GNAL: variants seen among roughly 807,000 people sequenced by gnomAD.
GNAL encodes the protein guanine nucleotide-binding protein G(olf) subunit alpha.
Under a neutral mutation model 55.1 loss-of-function variants are expected in GNAL, and 18 were observed. The observed-to-expected ratio is 0.33, with a 90% CI of 0.23 to 0.48. GNAL has a LOEUF of 0.48. GNAL is among the 20% of genes least tolerant of loss of function. The pLI is 0.99. For missense variants in GNAL, 412 were observed against 614.1 expected, an observed-to-expected ratio of 0.67 and a Z score of 3.48; for synonymous variants, 253 against 237.0, an observed-to-expected ratio of 1.07 and a Z score of -0.62.
chr18:11,768,337 A>G (rs1474536938), intron 4 of GNAL, among the ~76,000 whole-genome samples: 1 of 152,182 alleles, frequency 6.6e-6, no homozygotes, highest in East Asian at 1.9e-4. Context: ...ACCGTGGCTC[A>G]CACCTGTAAT....
intron 7 of GNAL, among the ~76,000 whole-genome samples, chr18:11,864,937 G>A (rs923347102): frequency 3.9e-5 from 6 of 152,148 alleles, no homozygotes; most frequent in African/African-American, 1.4e-4. Context: ...CAGTTTATGT[G>A]TGTCTCCAGC....
intron 4 of GNAL, among the ~76,000 whole-genome samples, chr18:11,808,025 CTTTT>C (rs111276081): frequency 0.066 from 9,537 of 144,296 alleles, 446 homozygotes; most frequent in African/African-American, 0.13. Context: ...GCCCAGCCTT[CTTTT>C]TTTTTTTTTT....
chr18:11,770,521 G>A (rs983577698), intron 4 of GNAL, among the ~76,000 whole-genome samples: 1 of 152,122 alleles, frequency 6.6e-6, no homozygotes, highest in Admixed American at 6.5e-5. Flanking sequence ...TCAGTCAAAC[G>A]AGTAATTTTT....
intron 5 of GNAL, chr18:11,857,626 C>T: frequency 1.0e-6 from 1 of 985,446 alleles, no homozygotes; most frequent in Non-Finnish European, 1.2e-6. Context: ...TGACGAGTCA[C>T]CATGAATCAC....
At position 11,881,891 on chromosome 18, in the gene GNAL, A is replaced by G. The variant is rs539361284; in HGVS notation, c.*756A>G. On this transcript the variant is annotated 3_prime_UTR_variant, in exon 12 of 12. Coordinates refer to ENST00000334049, the MANE Select transcript of GNAL (RefSeq NM_182978.4). This position sits in a 1 kb window ranked among gnomAD's most constrained non-coding sequence, Gnocchi z 4.8. Reference sequence around the variant, plus strand: ...TGTAATATTCTTTTGTATAACTACTAAAGAAAAATCCTTGTAGATCTTTGT... The same window carrying G: ...TGTAATATTCTTTTGTATAACTACTGAAGAAAAATCCTTGTAGATCTTTGT... 12 of 152,656 alleles carry G rather than the reference A, an allele frequency of 7.9e-5. No homozygotes were observed. The highest frequency in any genetic ancestry group is 1.8e-4 in the Non-Finnish European group (12 of 68,056). 9.5% of individuals were successfully genotyped at this position (152,656 alleles called of 1,614,324 possible).
intron 5 of GNAL, among the ~76,000 whole-genome samples, chr18:11,832,262 A>G (rs1304268848): frequency 6.6e-6 from 1 of 152,226 alleles, no homozygotes; most frequent in East Asian, 1.9e-4. Context: ...AGTACGACAC[A>G]TGATAAGCTC....
intron 5 of GNAL, among the ~76,000 whole-genome samples, chr18:11,839,210 C>G (rs1186443306): frequency 6.6e-6 from 1 of 152,008 alleles, no homozygotes; most frequent in East Asian, 1.9e-4. Context: ...TCTTTTTCTG[C>G]TCTCTCTACC....
Position 11,751,870 on chromosome 18 carries a change from C to T in GNAL, c.377-983C>T, listed in dbSNP as rs901144510. ...GATCCCAGACCAGGGAGGGGGCGCACGTCCGACGGCTGAGGAATAGCAGGG... is the reference window on the plus strand; with the variant it reads ...GATCCCAGACCAGGGAGGGGGCGCATGTCCGACGGCTGAGGAATAGCAGGG... On this transcript the variant is annotated intron_variant, in intron 1 of 11. Transcript: ENST00000334049. The surrounding 1 kb of genome is among the most constrained non-coding windows in gnomAD (Gnocchi z 4.5). 2.0e-5 allele frequency among the ~76,000 whole-genome samples: 3 copies of T among 152,174 alleles called. No homozygotes were observed. The highest frequency in any genetic ancestry group is 4.4e-5 in the Non-Finnish European group (3 of 68,016).
chr18:11,868,233 G>T lies in GNAL; in HGVS notation c.911-310G>T, dbSNP rs563803465. 6.6e-6 allele frequency among the ~76,000 whole-genome samples: 1 copy of T among 152,180 alleles called. No homozygotes were observed. The highest frequency in any genetic ancestry group is 2.1e-4 in the South Asian group (1 of 4,824). Reference sequence around the variant, plus strand: ...GAGAATCACTTGAACCTGGGAGGCGGAAGTTGCAGTGAGCCAAGATCATGC... The same window carrying T: ...GAGAATCACTTGAACCTGGGAGGCGTAAGTTGCAGTGAGCCAAGATCATGC... On this transcript the variant is annotated intron_variant, in intron 8 of 11. Transcript: ENST00000334049. The surrounding 1 kb of genome is among the most constrained non-coding windows in gnomAD (Gnocchi z 4.0).
At chr18:11,729,781 G>A (rs774853466) in intron 1 of GNAL, among the ~76,000 whole-genome samples, 47 of 152,242 alleles carry the variant, frequency 3.1e-4, no homozygotes, top group Admixed American at 2.5e-3. Flanking sequence ...GTGGCTGCTC[G>A]CGGCTGGCAG....
At chr18:11,737,718 G>A (rs2032489398) in intron 1 of GNAL, among the ~76,000 whole-genome samples, 1 of 152,248 alleles carries the variant, frequency 6.6e-6, no homozygotes, top group Non-Finnish European at 1.5e-5. Flanking sequence ...AAATCCGGAT[G>A]CCTCTGCTCT....
In GNAL at chr18:11,752,230, A is replaced by G. The variant is rs2032868661; in HGVS notation, c.377-623A>G. The stretch of plus-strand genomic sequence containing the variant: ...GCATTTTACTCCGCGCGTCTTCCTT[A>G]CAGCCATTTAGTTGGGAGTTTGCGG... On this transcript the variant is annotated intron_variant, in intron 1 of 11. Coordinates refer to ENST00000334049, the MANE Select transcript of GNAL (RefSeq NM_182978.4). The surrounding 1 kb of genome is among the most constrained non-coding windows in gnomAD (Gnocchi z 4.5). 1.9e-6 allele frequency: 2 copies of G among 1,048,326 alleles called. No individual in the cohort carries two copies. The highest frequency in any genetic ancestry group is 4.7e-5 in the South Asian group (2 of 42,560). 64.9% of individuals were successfully genotyped at this position (1,048,326 alleles called of 1,614,324 possible).
intron 4 of GNAL, among the ~76,000 whole-genome samples, chr18:11,770,851 T>C (rs890502172): frequency 6.6e-6 from 1 of 152,198 alleles, no homozygotes; most frequent in East Asian, 1.9e-4. Flanking sequence ...AGGTGTTATA[T>C]GTTTACTTTT....
Position 11,689,789 on chromosome 18 carries a change from C to T in GNAL, c.226C>T (p.Gln76Ter). ...PKADKPKEKR[Q>*]RTEQLSAEER... is the part of the protein sequence containing the mutation. Reference sequence around the variant, plus strand: ...AGCAGACAAGCCGAAGGAGAAGCGGCAGCGCACCGAGCAGCTGAGTGCCGA... The same window carrying T: ...AGCAGACAAGCCGAAGGAGAAGCGGTAGCGCACCGAGCAGCTGAGTGCCGA... Residue 76 changes from glutamine to a stop codon, truncating the protein, a stop_gained, in exon 1 of 12, where the codon CAG (glutamine) becomes TAG (stop). Transcript: ENST00000334049. LOFTEE classifies it high-confidence loss of function. 6.5e-7 allele frequency: 1 copy of T among 1,534,036 alleles called. No individual in the cohort carries two copies. Among genetic ancestry groups the T allele is most frequent in the East Asian group, 2.6e-5 (1 of 38,290 alleles).
intron 4 of GNAL, 72 bp from the exon 5 acceptor site, chr18:11,824,844 TTC>T (rs1687367638): frequency 3.7e-6 from 3 of 816,920 alleles, no homozygotes; most frequent in Non-Finnish European, 6.0e-6. Context: ...TTTTTGCAGT[TTC>T]TTTTTCCTTT....
At chr18:11,693,121 A>G (rs2031305325) in intron 1 of GNAL, among the ~76,000 whole-genome samples, 1 of 151,318 alleles carries the variant, frequency 6.6e-6, no homozygotes, top group African/African-American at 2.5e-5. Flanking sequence ...TGTTGTTTTG[A>G]TGTGATTATA....
At chr18:11,875,260 C>T (rs893615194) in intron 10 of GNAL, among the ~76,000 whole-genome samples, 37 of 152,150 alleles carry the variant, frequency 2.4e-4, no homozygotes, top group African/African-American at 8.9e-4. Context: ...CCGAGCTTTC[C>T]TCTCCCAACA....
At chr18:11,702,972 G>A (rs999682968) in intron 1 of GNAL, among the ~76,000 whole-genome samples, 2 of 152,096 alleles carry the variant, frequency 1.3e-5, no homozygotes, top group Non-Finnish European at 2.9e-5. Flanking sequence ...ACAAAAATTA[G>A]ATGGGCATGG....
intron 4 of GNAL, among the ~76,000 whole-genome samples, chr18:11,813,961 C>T (rs565999776): frequency 7.2e-5 from 11 of 152,148 alleles, no homozygotes; most frequent in Non-Finnish European, 1.5e-4. Flanking sequence ...AGTCTTTTCT[C>T]TAAATGTTCA....
Sources: allele counts gnomAD v4.1 joint callset (sites outside exome capture counted in the v4.1 genomes callset), GRCh38; gene constraint gnomAD v4.1.1; non-coding constraint Gnocchi (gnomAD v3.1); transcripts MANE v1.5; gene names NCBI Gene and HGNC (gene_info 2026-07-23, HGNC 2026-07-21).